The following ZNF217 variants were observed in gnomAD, a reference collection of about 807,000 sequenced individuals.
ZNF217 encodes zinc finger protein 217.
A neutral mutation model predicts 73.3 loss-of-function variants in ZNF217; 12 were observed. The ratio of observed to expected loss-of-function variants is 0.16; its 90% confidence interval spans 0.10 to 0.27. ZNF217 has a LOEUF of 0.27. ZNF217 is among the 10% of genes least tolerant of loss of function. The pLI is 1.00. For synonymous variants in ZNF217, 588 were observed against 516.4 expected (o/e 1.14, Z -1.88); for missense variants, 1,195 against 1,327.8 (o/e 0.90, Z 1.55).
chr20:53,586,224 G>C lies in ZNF217; in HGVS notation c.-342-3056C>G, dbSNP rs368898629. ...CACAGGATTAGGCACTCGACACATA[G>C]CTGGTGAATAAATGTCACGGAATTA... On this transcript the variant is annotated intron_variant, in intron 1 of 5. Coordinates refer to ENST00000371471, the MANE Select transcript of ZNF217 (RefSeq NM_006526.3). 3.2e-4 allele frequency among the ~76,000 whole-genome samples: 48 copies of C among 152,260 alleles called. No homozygotes were observed. In the South Asian group the frequency reaches 9.3e-3, roughly 30 times the overall value.
chr20:53,577,058 C>A lies in ZNF217; in HGVS notation c.1706G>T (p.Gly569Val). Reference protein sequence around the residue: ...RFFDGAKDVTGSPPAKQLKEM... With the variant: ...RFFDGAKDVTVSPPAKQLKEM... Reference sequence around the variant, plus strand: ...CTTAAGCTGCTTTGCAGGTGGACTGCCTGTAACATCTTTGGCACCATCAAA... The same window carrying A: ...CTTAAGCTGCTTTGCAGGTGGACTGACTGTAACATCTTTGGCACCATCAAA... Residue 569 changes from glycine (G) to valine (V), a missense_variant, in exon 4 of 6, where the codon GGC becomes GTC. Coordinates refer to ENST00000371471, the MANE Select transcript of ZNF217 (RefSeq NM_006526.3). 5 of 1,614,200 alleles carry A rather than the reference C, an allele frequency of 3.1e-6. No individual in the cohort carries two copies. Among genetic ancestry groups the A allele is most frequent in the Non-Finnish European group, 4.2e-6 (5 of 1,180,046 alleles).
intron 5 of ZNF217, among the ~76,000 whole-genome samples, chr20:53,571,345 TA>T (rs1261008806): frequency 6.6e-6 from 1 of 151,950 alleles, no homozygotes; most frequent in East Asian, 1.9e-4. Context: ...GCAATTTTGT[TA>T]CATTATATTA....
chr20:53,594,089 T>A (rs1988987583), upstream of ZNF217, among the ~76,000 whole-genome samples: 1 of 124,772 alleles, frequency 8.0e-6, no homozygotes, highest in African/African-American at 3.0e-5. Flanking sequence ...GCCCGGAGAA[T>A]ATAGGGGCCG....
At position 53,581,427 on chromosome 20, in the gene ZNF217, C is replaced by CG; in HGVS notation, c.1366+33dup. 2 of 1,562,678 alleles carry CG rather than the reference C, an allele frequency of 1.3e-6. No individual in the cohort carries two copies. Among genetic ancestry groups the CG allele is most frequent in the South Asian group, 1.2e-5 (1 of 84,334 alleles). ...AGACGGGGAGACAGACAGACACAGG[C>CG]GGAACAGCACGGGACGGAGACAGGG... On this transcript the variant is annotated intron_variant, in intron 2 of 5. Transcript: ENST00000371471. This position sits in a 1 kb window ranked among gnomAD's most constrained non-coding sequence, Gnocchi z 4.9.
chr20:53,587,763 G>A (rs562551680), intron 1 of ZNF217, among the ~76,000 whole-genome samples: 1 of 149,080 alleles, frequency 6.7e-6, no homozygotes, highest in Non-Finnish European at 1.5e-5. Context: ...CTGGCTAGAA[G>A]TTTACATTTT....
rs147264830 is a variant in ZNF217 at position 53,576,830 on chromosome 20, G to C, written c.1934C>G (p.Ala645Gly). 1 of 1,614,044 alleles carries C rather than the reference G, an allele frequency of 6.2e-7. No individual in the cohort carries two copies. The highest frequency in any genetic ancestry group is 8.5e-7 in the Non-Finnish European group (1 of 1,180,034). ...QANNLICRTKADVTPPPDGST... is the reference protein window; with the variant it reads ...QANNLICRTKGDVTPPPDGST... ...GCCATCCGGAGGAGGAGTAACATCC[G>C]CCTTGGTTCTACAGATGAGGTTATT... Residue 645 changes from alanine (A) to glycine (G), a missense_variant, in exon 4 of 6, where the codon GCG becomes GGG. Around this residue, in one of 9 missense-constraint regions of ZNF217, gnomAD observed 649 missense variants for 642.8 expected, o/e 1.01. Coordinates refer to ENST00000371471, the MANE Select transcript of ZNF217 (RefSeq NM_006526.3).
intron 3 of ZNF217, among the ~76,000 whole-genome samples, chr20:53,577,703 C>A (rs1438470383): frequency 1.3e-5 from 2 of 152,232 alleles, no homozygotes; most frequent in Non-Finnish European, 2.9e-5. Flanking sequence ...TAAATAGATT[C>A]TCATTTCATT....
At position 53,568,309 on chromosome 20, in the gene ZNF217, C is replaced by CA. The variant is rs2145913029; in HGVS notation, c.*978dup. On this transcript the variant is annotated 3_prime_UTR_variant, in exon 6 of 6. Coordinates refer to ENST00000371471, the MANE Select transcript of ZNF217 (RefSeq NM_006526.3). ...CCTTAAAACTGTTCCCCAATACCTG[C>CA]AATTCACAGATATAATTTAGCATTT... 1 of 152,062 alleles carries CA rather than the reference C, an allele frequency of 6.6e-6. No homozygotes were observed. The highest frequency in any genetic ancestry group is 2.4e-5 in the African/African-American group (1 of 41,456). The allele number at this position is 152,062 out of a possible 1,614,324, so 9.4% of individuals were successfully genotyped here.
upstream of ZNF217, among the ~76,000 whole-genome samples, chr20:53,594,182 C>T (rs1988991356): frequency 6.6e-6 from 1 of 151,598 alleles, no homozygotes; most frequent in African/African-American, 2.4e-5. Flanking sequence ...TACTCGTCCG[C>T]GCGGGGACAG....
At chr20:53,596,342 C>A (rs1473322662), upstream of ZNF217, among the ~76,000 whole-genome samples, 7 of 152,076 alleles carry the variant, frequency 4.6e-5, no homozygotes, top group Non-Finnish European at 1.5e-5. Flanking sequence ...TATATGTGAT[C>A]CTCCTTATGT....
chr20:53,571,899 G>T (rs1398006399), intron 4 of ZNF217, 46 bp from the exon 5 acceptor site: 4 of 1,563,740 alleles, frequency 2.6e-6, no homozygotes, highest in Middle Eastern at 1.7e-4. Flanking sequence ...CAAACAATTA[G>T]GTAAGATGTG....
Position 53,576,755 on chromosome 20 carries a change from G to T in ZNF217, c.2009C>A (p.Thr670Asn). The T allele has an allele frequency of 6.2e-7, 1 of 1,614,220 alleles. No homozygotes were observed. The highest frequency in any genetic ancestry group is 8.5e-7 in the Non-Finnish European group (1 of 1,180,040). Residue 670 changes from threonine (T) to asparagine (N), a missense_variant, in exon 4 of 6, where the codon ACC becomes AAC. Thr to Asn is a moderately conservative substitution (Grantham distance 65). This residue lies in a region of ZNF217 where 649 missense variants were observed against 642.8 expected (regional missense o/e 1.01). Transcript: ENST00000371471. ...EVSPKEKQTE[T>N]AADCRYRPSV... The stretch of plus-strand genomic sequence containing the variant: ...TGGCCTGTATCTGCAGTCAGCTGCG[G>T]TCTCCGTTTGCTTCTCTTTGGGGCT...
intron 4 of ZNF217, among the ~76,000 whole-genome samples, chr20:53,573,973 G>A (rs1477220579): frequency 3.9e-5 from 6 of 151,996 alleles, no homozygotes; most frequent in Non-Finnish European, 7.4e-5. Flanking sequence ...GGGAGGCTGA[G>A]GTAGGAGAAC....
intron 1 of ZNF217, among the ~76,000 whole-genome samples, chr20:53,585,483 T>TG (rs1470556852): frequency 6.6e-6 from 1 of 152,144 alleles, no homozygotes; most frequent in African/African-American, 2.4e-5. Context: ...AGGTGGAGGT[T>TG]GCAGTGAGCC....
At position 53,569,096 on chromosome 20, in the gene ZNF217, C is replaced by A. The variant is rs897319148; in HGVS notation, c.*192G>T. On this transcript the variant is annotated 3_prime_UTR_variant, in exon 6 of 6. Coordinates refer to ENST00000371471, the MANE Select transcript of ZNF217 (RefSeq NM_006526.3). ...AACTAGTTTGTATTGCTATTTGGTACAAAAGTTAACAGAACAACTTTACAC... is the reference window on the plus strand; with the variant it reads ...AACTAGTTTGTATTGCTATTTGGTAAAAAAGTTAACAGAACAACTTTACAC... 6 of 1,265,108 alleles carry A rather than the reference C, an allele frequency of 4.7e-6. No homozygotes were observed. In the Admixed American group the frequency reaches 1.4e-4, roughly 30 times the overall value. 78.4% of individuals were successfully genotyped at this position (1,265,108 alleles called of 1,614,324 possible).
At chr20:53,587,633 G>A (rs1294970559) in intron 1 of ZNF217, among the ~76,000 whole-genome samples, 1 of 151,830 alleles carries the variant, frequency 6.6e-6, no homozygotes, top group African/African-American at 2.4e-5. Flanking sequence ...TGCTAACAAA[G>A]CTACTTTTTC....
chr20:53,576,490 T>C lies in ZNF217; in HGVS notation c.2274A>G (p.Pro758=), dbSNP rs1433900201. ...GAGGCACATCTTTTCCCAGCAACGCTGGCGGGCATCCGGTACGTCGACTTC... is the reference window on the plus strand; with the variant it reads ...GAGGCACATCTTTTCCCAGCAACGCCGGCGGGCATCCGGTACGTCGACTTC... ...LLRSRRTGCP[P]ALLGKDVPPL... The change falls in exon 4 of 6, where the codon CCA becomes CCG. Residue 758 remains proline, a synonymous_variant. Transcript: ENST00000371471. The C allele has an allele frequency of 3.1e-6, 5 of 1,614,164 alleles. No homozygotes were observed. The highest frequency in any genetic ancestry group is 3.4e-6 in the Non-Finnish European group (4 of 1,180,062).
chr20:53,593,407 C>T (rs1988951979), intron 1 of ZNF217, among the ~76,000 whole-genome samples: 1 of 152,024 alleles, frequency 6.6e-6, no homozygotes, highest in Non-Finnish European at 1.5e-5. Context: ...CGCGGGGCGA[C>T]CCAACTTTTC....
chr20:53,577,412 C>T, intron 3 of ZNF217, 132 bp from the exon 4 acceptor site: 1 of 802,234 alleles, frequency 1.2e-6, no homozygotes, highest in Non-Finnish European at 1.9e-6. Context: ...TAGGATTTCT[C>T]ATCAGTTCTT....
Sources: gnomAD v4.1 joint callset for allele counts (sites outside exome capture counted in the v4.1 genomes callset) on GRCh38, gnomAD v4.1.1 for gene constraint, gnomAD v4.1.1 regional missense constraint, Gnocchi (gnomAD v3.1) non-coding constraint, MANE v1.5 for transcripts, NCBI Gene and HGNC (gene_info 2026-07-23, HGNC 2026-07-21) for gene names.